Variants in MZT2B observed in about 807,000 individuals in gnomAD.
MZT2B encodes mitotic-spindle organizing protein 2B.
In MZT2B, 11 loss-of-function variants were observed where a neutral mutation model predicts 12.1. The ratio of observed to expected loss-of-function variants is 0.91; its 90% CI spans 0.57 to 1.50. The LOEUF is 1.50. Ranked by LOEUF, MZT2B falls within the 40% of genes most tolerant of loss-of-function variation. The probability of loss-of-function intolerance (pLI) is 0.00; values close to 1 mark genes in which losing one functional copy is unlikely to be tolerated. For missense variants in MZT2B, 209 were observed against 227.7 expected, an observed-to-expected ratio of 0.92 and a Z score of 0.53; for synonymous variants, 85 against 109.5, an observed-to-expected ratio of 0.78 and a Z score of 1.40.
the MZT2B span, chr2:130,202,259 G>A: frequency 3.7e-3 from 4,553 of 1,235,000 alleles, 6 homozygotes; most frequent in South Asian, 6.6e-3. Context: ...AGCTAACAAC[G>A]TTTACATATA....
the MZT2B span, among the ~76,000 whole-genome samples, chr2:130,200,613 A>T: frequency 1.4e-4 from 22 of 151,876 alleles, no homozygotes; most frequent in Non-Finnish European, 2.4e-4. Context: ...AGTGCTGTGA[A>T]CACTTTTTCT....
chr2:130,184,344 G>A (rs1689968468), intron 2 of MZT2B: 1 of 985,340 alleles, frequency 1.0e-6, no homozygotes, highest in Non-Finnish European at 1.2e-6. Flanking sequence ...CCCTTATCTG[G>A]ACAGGAAGTC....
At chr2:130,194,701 G>A (rs929470963), downstream of MZT2B, among the ~76,000 whole-genome samples, 9 of 151,974 alleles carry the variant, frequency 5.9e-5, no homozygotes, top group East Asian at 1.2e-3. Context: ...TGTTTGAGAC[G>A]GAATCTTGCT....
downstream of MZT2B, chr2:130,191,920 G>T (rs752530919): frequency 2.1e-5 from 34 of 1,613,840 alleles, no homozygotes; most frequent in Non-Finnish European, 2.5e-5. Context: ...AGGTCCTCGC[G>T]GGCCTCAGAG....
chr2:130,199,682 C>T, the MZT2B span, among the ~76,000 whole-genome samples: 4 of 115,914 alleles, frequency 3.5e-5, 1 homozygote, highest in Admixed American at 3.8e-4. Flanking sequence ...AGTTGTTTAC[C>T]AAGAATTTGA....
intron 2 of MZT2B, chr2:130,183,847 G>C: frequency 6.4e-7 from 1 of 1,550,610 alleles, no homozygotes; most frequent in Non-Finnish European, 8.7e-7. Context: ...TTTTCCTCCA[G>C]CCCGCAGCCT....
At chr2:130,201,427 G>A in the MZT2B span, among the ~76,000 whole-genome samples, 1 of 151,676 alleles carries the variant, frequency 6.6e-6, no homozygotes, top group South Asian at 2.1e-4. Context: ...GTCCTCCCAC[G>A]GGGAGGTAGC....
chr2:130,183,990 G>A (rs1354309513), intron 2 of MZT2B: 1 of 1,550,290 alleles, frequency 6.5e-7, no homozygotes. Flanking sequence ...GCTTATCTCT[G>A]GGGGTTGGTG....
At chr2:130,196,048 C>A in the MZT2B span, 2 of 1,356,694 alleles carry the variant, frequency 1.5e-6, no homozygotes, top group Non-Finnish European at 2.0e-6. Flanking sequence ...GCCTGTCTAT[C>A]CCATCCTTTC....
chr2:130,184,775 C>T (rs558068781), intron 2 of MZT2B: 2 of 985,420 alleles, frequency 2.0e-6, no homozygotes, highest in Non-Finnish European at 2.4e-6. Context: ...TCAGCACTCA[C>T]TCAGGGCTCT....
intron 2 of MZT2B, chr2:130,183,727 C>T (rs1172292840): frequency 1.5e-5 from 23 of 1,550,370 alleles, no homozygotes; most frequent in Non-Finnish European, 2.0e-5. Flanking sequence ...CACCTGCGTG[C>T]TGGCCTCTTC....
At chr2:130,196,059 A>T in the MZT2B span, 3 of 1,326,788 alleles carry the variant, frequency 2.3e-6, no homozygotes, top group Non-Finnish European at 3.1e-6. Context: ...CCATCCTTTC[A>T]GCAGGAGGAT....
chr2:130,191,465 C>T (rs1197223436), downstream of MZT2B, among the ~76,000 whole-genome samples: 1 of 152,248 alleles, frequency 6.6e-6, no homozygotes, highest in Admixed American at 6.5e-5. Flanking sequence ...TTTTAGCCAG[C>T]ATGACCCATC....
chr2:130,193,638 C>T (rs1690325484), downstream of MZT2B: 1 of 729,014 alleles, frequency 1.4e-6, no homozygotes, highest in African/African-American at 1.8e-5. Context: ...ATCACTGAAT[C>T]AATTATCAAC....
rs775986505 is a variant in MZT2B at position 130,182,409 on chromosome 2, C to T, written c.127C>T (p.Leu43=). ...CACCGAGGAGATGGAGCTGTACGAG[C>T]TGGCGCAGGCGGCGGGCGGCGCTAT... ...LSTEEMELYE[L]AQAAGGAIDP... Residue 43 remains leucine (L), a synonymous_variant, in exon 1 of 3, where the codon CTG becomes TTG. Transcript: ENST00000281871. 2.6e-6 allele frequency: 4 copies of T among 1,565,214 alleles called. No homozygotes were observed. The highest frequency in any genetic ancestry group is 3.5e-6 in the Non-Finnish European group (4 of 1,158,378).
At chr2:130,192,677 C>T (rs1332495630), downstream of MZT2B, among the ~76,000 whole-genome samples, 1 of 152,182 alleles carries the variant, frequency 6.6e-6, no homozygotes, top group Non-Finnish European at 1.5e-5. Context: ...TAGGGGGTGA[C>T]ATTCCAAGGT....
At chr2:130,202,312 C>T in the MZT2B span, 1 of 1,288,560 alleles carries the variant, frequency 7.8e-7, no homozygotes. Flanking sequence ...CTCTTTTGCT[C>T]ATATTCAAAC....
chr2:130,194,046 G>T, downstream of MZT2B: 1 of 1,614,198 alleles, frequency 6.2e-7, no homozygotes, highest in Non-Finnish European at 8.5e-7. Flanking sequence ...AGGGGGAAGT[G>T]GATGCGGGGG....
At chr2:130,200,264 G>T in the MZT2B span, among the ~76,000 whole-genome samples, 1 of 151,788 alleles carries the variant, frequency 6.6e-6, no homozygotes, top group South Asian at 2.1e-4. Flanking sequence ...GGCTGCAGGT[G>T]CCTGTAGTCC....
Sources: allele counts gnomAD v4.1 joint callset (sites outside exome capture counted in the v4.1 genomes callset), GRCh38; gene constraint gnomAD v4.1.1; transcripts MANE v1.5; gene names NCBI Gene and HGNC (gene_info 2026-07-23, HGNC 2026-07-21).